Variants in ATAD2B observed in about 807,000 individuals in gnomAD.
The protein encoded by ATAD2B is ATPase family AAA domain-containing protein 2B.
A neutral mutation model predicts 167.6 loss-of-function variants in ATAD2B; 40 were observed. The ratio of observed to expected loss-of-function variants is 0.24; its 90% CI spans 0.19 to 0.31. ATAD2B has a LOEUF of 0.31. ATAD2B is among the 10% of genes least tolerant of loss of function. The probability of loss-of-function intolerance (pLI) is 1.00; values close to 1 mark genes in which losing one functional copy is unlikely to be tolerated. For missense variants in ATAD2B, 1,242 were observed against 1,757.2 expected (o/e 0.71, Z 5.24); for synonymous variants, 579 against 596.5 (o/e 0.97, Z 0.43).
At chr2:23,914,093 T>A (rs980970808) in intron 1 of ATAD2B, among the ~76,000 whole-genome samples, 12 of 151,900 alleles carry the variant, frequency 7.9e-5, no homozygotes, top group African/African-American at 2.7e-4. Flanking sequence ...CTACAAAAAA[T>A]TTTAAAAAAC....
At chr2:23,693,248 G>T in the ATAD2B span, 1 of 1,535,384 alleles carries the variant, frequency 6.5e-7, no homozygotes. Context: ...TGGGTCAGTG[G>T]TCCTGCGCTG....
At chr2:23,912,496 G>A (rs1702454397) in intron 1 of ATAD2B, among the ~76,000 whole-genome samples, 1 of 150,144 alleles carries the variant, frequency 6.7e-6, no homozygotes, top group Non-Finnish European at 1.5e-5. Context: ...GAGAGAGTGA[G>A]ACCCCATCTC....
chr2:23,884,536 T>C (rs1432180014), intron 6 of ATAD2B, among the ~76,000 whole-genome samples: 1 of 152,190 alleles, frequency 6.6e-6, no homozygotes, highest in Non-Finnish European at 1.5e-5. Context: ...CAATGGCTAC[T>C]AATAAAATAC....
intron 8 of ATAD2B, chr2:23,872,622 G>A: frequency 7.5e-7 from 1 of 1,334,974 alleles, no homozygotes; most frequent in South Asian, 1.2e-5. Context: ...TAGAAAGGAT[G>A]GTCAGGCTCC....
At chr2:23,767,832 T>C (rs953124060) in intron 22 of ATAD2B, among the ~76,000 whole-genome samples, 1 of 152,028 alleles carries the variant, frequency 6.6e-6, no homozygotes, top group Admixed American at 6.5e-5. Context: ...TCAAAGATGA[T>C]TTCCTAGCTT....
chr2:23,922,166 T>C (rs1409585898), intron 1 of ATAD2B, among the ~76,000 whole-genome samples: 1 of 151,984 alleles, frequency 6.6e-6, no homozygotes, highest in Non-Finnish European at 1.5e-5. Context: ...AAAAAGCTAG[T>C]GAAAAAGCCA....
At chr2:23,681,577 G>A in the ATAD2B span, among the ~76,000 whole-genome samples, 2 of 152,144 alleles carry the variant, frequency 1.3e-5, no homozygotes, top group Admixed American at 6.5e-5. This position sits in a 1 kb window ranked among gnomAD's most constrained non-coding sequence, Gnocchi z 4.2. Context: ...GGCATGTGGG[G>A]CCACATCTGT....
chr2:23,731,072 G>A, the ATAD2B span, among the ~76,000 whole-genome samples: 1 of 152,034 alleles, frequency 6.6e-6, no homozygotes, highest in African/African-American at 2.4e-5. Flanking sequence ...GACTCTGACA[G>A]GACAAAAATG....
At chr2:23,911,509 C>G (rs553111169) in intron 1 of ATAD2B, among the ~76,000 whole-genome samples, 8 of 150,690 alleles carry the variant, frequency 5.3e-5, no homozygotes, top group African/African-American at 2.0e-4. Context: ...GAGCCTTGAT[C>G]GTGCCTCTTC....
At chr2:23,703,887 T>G in the ATAD2B span, 15 of 1,531,014 alleles carry the variant, frequency 9.8e-6, no homozygotes, top group Middle Eastern at 5.0e-4. Context: ...GCGCCTTGAC[T>G]AGGGCTGGGA....
the ATAD2B span, among the ~76,000 whole-genome samples, chr2:23,720,678 C>T: frequency 9.2e-5 from 14 of 152,044 alleles, no homozygotes; most frequent in Middle Eastern, 6.3e-3. Context: ...TCAGGAGGGA[C>T]TTCCCATCAC....
At position 23,888,331 on chromosome 2, in the gene ATAD2B, T is replaced by A. The variant is rs757538175; in HGVS notation, c.418+19A>T. 1.3e-5 allele frequency: 20 copies of A among 1,550,666 alleles called. No homozygotes were observed. The highest frequency in any genetic ancestry group is 2.7e-5 in the African/African-American group (2 of 72,884). On this transcript the variant is annotated intron_variant, in intron 3 of 27. Coordinates refer to ENST00000238789, the MANE Select transcript of ATAD2B (RefSeq NM_017552.4). The stretch of plus-strand genomic sequence containing the variant: ...TGTAAGAATTTTAAAACTAACCAGT[T>A]TTATAATAGAATACTCACATAAGCC...
the ATAD2B span, among the ~76,000 whole-genome samples, chr2:23,692,374 C>T: frequency 6.6e-6 from 1 of 152,210 alleles, no homozygotes; most frequent in African/African-American, 2.4e-5. Flanking sequence ...CAGGAGCTCC[C>T]GGGGGGGTCG....
chr2:23,755,436 A>C (rs1004902690), intron 25 of ATAD2B, among the ~76,000 whole-genome samples: 13 of 152,166 alleles, frequency 8.5e-5, no homozygotes, highest in Admixed American at 2.0e-4. Flanking sequence ...AGAAATTTTA[A>C]GGTGGCTAAG....
At chr2:23,718,150 G>A in the ATAD2B span, among the ~76,000 whole-genome samples, 14 of 152,136 alleles carry the variant, frequency 9.2e-5, no homozygotes, top group Non-Finnish European at 1.5e-4. Flanking sequence ...TTTTTTTTTA[G>A]AAGTCAGTAA....
At chr2:23,898,010 T>C (rs1372059125) in intron 1 of ATAD2B, among the ~76,000 whole-genome samples, 2 of 152,228 alleles carry the variant, frequency 1.3e-5, no homozygotes, top group South Asian at 4.1e-4. Flanking sequence ...ATCTATGTGA[T>C]CATGGCTCAC....
chr2:23,886,119 A>G (rs13415783), intron 4 of ATAD2B, among the ~76,000 whole-genome samples: 1,887 of 151,536 alleles, frequency 0.012, 37 homozygotes, highest in African/African-American at 0.043. Context: ...TAACTTTTAT[A>G]TTTTTTTGTG....
intron 6 of ATAD2B, 94 bp from the exon 7 acceptor site, chr2:23,880,849 T>C: frequency 1.4e-6 from 1 of 738,346 alleles, no homozygotes; most frequent in South Asian, 1.7e-5. Context: ...ACTTTATCCA[T>C]TACTCTTTCT....
intron 22 of ATAD2B, among the ~76,000 whole-genome samples, chr2:23,769,382 G>A (rs1285151999): frequency 6.6e-6 from 1 of 152,120 alleles, no homozygotes; most frequent in Admixed American, 6.5e-5. Context: ...AGAGGTTGCA[G>A]TGAGCCGAGA....
Sources: allele counts gnomAD v4.1 joint callset (sites outside exome capture counted in the v4.1 genomes callset), GRCh38; gene constraint gnomAD v4.1.1; non-coding constraint Gnocchi (gnomAD v3.1); transcripts MANE v1.5; gene names NCBI Gene and HGNC (gene_info 2026-07-23, HGNC 2026-07-21).